GLI3: variants seen among roughly 807,000 people sequenced by gnomAD.
GLI3 encodes the protein GLI family zinc finger 3.
Under a neutral mutation model 100.8 loss-of-function variants are expected in GLI3, and 20 were observed. The ratio of observed to expected loss-of-function variants is 0.20; its 90% CI spans 0.14 to 0.29. The LOEUF (loss-of-function observed/expected upper bound fraction) is 0.29. GLI3 is among the 10% of genes least tolerant of loss of function. The probability of loss-of-function intolerance (pLI) is 1.00; values close to 1 mark genes in which losing one functional copy is unlikely to be tolerated. For synonymous variants in GLI3, 938 were observed against 860.5 expected, an observed-to-expected ratio of 1.09 and a Z score of -1.58; for missense variants, 2,040 against 2,128.5, an observed-to-expected ratio of 0.96 and a Z score of 0.82.
Position 42,121,750 on chromosome 7 carries a change from C to T in GLI3, c.367+26476G>A, listed in dbSNP as rs1786005814. Among the ~76,000 whole-genome samples the T allele has an allele frequency of 2.0e-5, 3 of 152,200 alleles. No individual in the cohort carries two copies. In the South Asian group the frequency reaches 6.2e-4, roughly 32 times the overall value. ...CTCCTCCCCCTCCATCAGGAGTGCA[C>T]CCACCTAAGCAGTAGGCACCCATTG... is the stretch of plus-strand genomic sequence containing the variant. On this transcript the variant is annotated intron_variant, in intron 3 of 14. Transcript: ENST00000395925.
chr7:42,178,395 C>G lies in GLI3; in HGVS notation c.125-29927G>C, dbSNP rs976213328. 2.0e-5 allele frequency among the ~76,000 whole-genome samples: 3 copies of G among 152,104 alleles called. No individual in the cohort carries two copies. In the South Asian group the frequency reaches 6.2e-4, roughly 32 times the overall value. On this transcript the variant is annotated intron_variant, in intron 2 of 14. Coordinates refer to ENST00000395925, the MANE Select transcript of GLI3 (RefSeq NM_000168.6). ...CGGGCAATGACCAGGACGGCAGATA[C>G]CATGGTACTGACCATTCTGGAATAT...
chr7:42,241,055 T>C (rs540904404), upstream of GLI3, among the ~76,000 whole-genome samples: 12 of 152,294 alleles, frequency 7.9e-5, no homozygotes, highest in South Asian at 8.3e-4. Flanking sequence ...CCACCTCCAA[T>C]TGACTTAAGT....
In GLI3 at chr7:41,966,278, T is replaced by C. The variant is rs780060768; in HGVS notation, c.2795A>G (p.Lys932Arg). Residue 932 changes from lysine to arginine, a missense_variant, in exon 15 of 15, where the codon AAG becomes AGG. By Grantham distance (26) the Lys-to-Arg change is conservative (BLOSUM62 2). Transcript: ENST00000395925. The surrounding 1 kb of genome is among the most constrained non-coding windows in gnomAD (Gnocchi z 5.8). The part of the protein sequence containing the change: ...TPAQQYRLKA[K>R]YAAATGGPPP... ...CGGCCCTCCTGTGGCAGCCGCGTACTTGGCCTTGAGGCGGTACTGCTGGGC... is the reference window on the plus strand; with the variant it reads ...CGGCCCTCCTGTGGCAGCCGCGTACCTGGCCTTGAGGCGGTACTGCTGGGC... 1 of 1,608,216 alleles carries C rather than the reference T, an allele frequency of 6.2e-7. No homozygotes were observed. Among genetic ancestry groups the C allele is most frequent in the Admixed American group, 1.7e-5 (1 of 59,954 alleles).
intron 10 of GLI3, among the ~76,000 whole-genome samples, chr7:42,010,659 G>A (rs1788587437): frequency 6.6e-6 from 1 of 152,208 alleles, no homozygotes; most frequent in Non-Finnish European, 1.5e-5. Flanking sequence ...GAAGGGGACT[G>A]TCTTTGTTGG....
chr7:42,254,511 T>G (rs1029360427), intron 1 of GLI3, among the ~76,000 whole-genome samples: 6 of 152,256 alleles, frequency 3.9e-5, no homozygotes, highest in Non-Finnish European at 7.3e-5. Context: ...GTGTCATGGA[T>G]TGAGCAATAG....
Position 41,972,265 on chromosome 7 carries a change from T to G in GLI3, c.2103+72A>C. 7.1e-7 allele frequency: 1 copy of G among 1,400,392 alleles called. No homozygotes were observed. 86.7% of individuals were successfully genotyped at this position (1,400,392 alleles called of 1,614,324 possible). ...ACACAGTGAGGACCGGGAAGTCCTG[T>G]CCCTCTATGCACCCTACCTGGCTCT... On this transcript the variant is annotated intron_variant, in intron 13 of 14. Coordinates refer to ENST00000395925, the MANE Select transcript of GLI3 (RefSeq NM_000168.6). This position sits in a 1 kb window ranked among gnomAD's most constrained non-coding sequence, Gnocchi z 4.4.
At chr7:42,253,230 C>G (rs1208076720) in intron 1 of GLI3, among the ~76,000 whole-genome samples, 1 of 152,210 alleles carries the variant, frequency 6.6e-6, no homozygotes, top group African/African-American at 2.4e-5. Context: ...CTCACTGTGC[C>G]CCTGGTGCAC....
chr7:42,210,658 C>T (rs927271483), intron 2 of GLI3, among the ~76,000 whole-genome samples: 41 of 152,172 alleles, frequency 2.7e-4, no homozygotes, highest in Non-Finnish European at 5.7e-4. Context: ...GAAAATAAAA[C>T]ATGCTTTTTA....
rs867545786 is a variant in GLI3 at position 42,039,664 on chromosome 7, A to T, written c.1028+374T>A. ...ATGACTGGTCTTTTTATTTTTGTTC[A>T]TGTTCTGTACATGTGTCATACAACC... On this transcript the variant is annotated intron_variant, in intron 7 of 14. Coordinates refer to ENST00000395925, the MANE Select transcript of GLI3 (RefSeq NM_000168.6). Among the ~76,000 whole-genome samples the T allele has an allele frequency of 7.9e-5, 12 of 152,108 alleles. No homozygotes were observed. In the South Asian group the frequency reaches 8.3e-4, roughly 11 times the overall value.
At position 41,965,342 on chromosome 7, in the gene GLI3, A is replaced by C; in HGVS notation, c.3731T>G (p.Phe1244Cys). Residue 1244 changes from phenylalanine to cysteine, a missense_variant, in exon 15 of 15, where the codon TTC becomes TGC. Phe to Cys is a radical substitution (Grantham distance 205, BLOSUM62 -2). Transcript: ENST00000395925. ...CGGGGCCTTACAGGGCTGTTCATGG[A>C]AGGCGTTTCCACTGGTGCCACTTCC... is the stretch of plus-strand genomic sequence containing the variant. ...SPGSGTSGNAFHEQPCKAPQY... is the reference protein window; with the variant it reads ...SPGSGTSGNACHEQPCKAPQY... 1 of 1,613,786 alleles carries C rather than the reference A, an allele frequency of 6.2e-7. No homozygotes were observed. The highest frequency in any genetic ancestry group is 1.1e-5 in the South Asian group (1 of 91,044).
chr7:41,980,162 A>G (rs1787617681), intron 10 of GLI3, among the ~76,000 whole-genome samples: 1 of 152,200 alleles, frequency 6.6e-6, no homozygotes, highest in African/African-American at 2.4e-5. Flanking sequence ...AAGAGAGCCA[A>G]TGTCCCGTCA....
At chr7:42,114,213 A>C (rs921072959) in intron 3 of GLI3, among the ~76,000 whole-genome samples, 1 of 152,250 alleles carries the variant, frequency 6.6e-6, no homozygotes, top group Admixed American at 6.5e-5. Flanking sequence ...GTTAAACAAC[A>C]TGCTAAATGC....
intron 10 of GLI3, among the ~76,000 whole-genome samples, chr7:42,014,940 C>G (rs941831650): frequency 3.9e-5 from 6 of 152,296 alleles, no homozygotes; most frequent in African/African-American, 7.2e-5. Flanking sequence ...TTTAAATGTT[C>G]ATAAAAGTGC....
In GLI3 at chr7:41,965,438, C is replaced by T. The variant is rs751373757; in HGVS notation, c.3635G>A (p.Gly1212Asp). 1.9e-6 allele frequency: 3 copies of T among 1,607,664 alleles called. No individual in the cohort carries two copies. Among genetic ancestry groups the T allele is most frequent in the Middle Eastern group, 1.7e-4 (1 of 6,048 alleles). The change falls in exon 15 of 15, where the codon GGC (glycine) becomes GAC (aspartate). Residue 1212 changes from glycine (G) to aspartate (D), a missense_variant. By Grantham distance (94) the Gly-to-Asp change is moderately conservative. Coordinates refer to ENST00000395925, the MANE Select transcript of GLI3 (RefSeq NM_000168.6). ...QNPLRSGPAG[G>D]YQTLGENSNP... The stretch of plus-strand genomic sequence containing the variant: ...GCTGTTCTCCCCGAGGGTCTGATAG[C>T]CCCCAGCAGGCCCGCTCCTCAAGGG...
chr7:42,258,297 C>A (rs1020470667), intron 1 of GLI3, among the ~76,000 whole-genome samples: 1 of 152,296 alleles, frequency 6.6e-6, no homozygotes, highest in East Asian at 1.9e-4. Context: ...ATTTTTAGCA[C>A]ACTTTGCTCT....
At chr7:42,028,584 C>T (rs1789191416) in intron 7 of GLI3, among the ~76,000 whole-genome samples, 3 of 151,796 alleles carry the variant, frequency 2.0e-5, no homozygotes, top group African/African-American at 4.8e-5. Context: ...ACCAACATGG[C>T]GAAACCTCGT....
At position 42,148,472 on chromosome 7, in the gene GLI3, A is replaced by G. The variant is rs1185692181; in HGVS notation, c.125-4T>C. 1.2e-6 allele frequency: 2 copies of G among 1,612,814 alleles called. No homozygotes were observed. The highest frequency in any genetic ancestry group is 3.3e-5 in the Admixed American group (2 of 60,010). On this transcript the variant is annotated splice_polypyrimidine_tract_variant and splice_region_variant and intron_variant, in intron 2 of 14. Coordinates refer to ENST00000395925, the MANE Select transcript of GLI3 (RefSeq NM_000168.6). Reference sequence around the variant, plus strand: ...GTCTGTCCAGGACTTTCATCCTCTAAAGAAAGAAGAAAAATGAAAGACTCT... The same window carrying G: ...GTCTGTCCAGGACTTTCATCCTCTAGAGAAAGAAGAAAAATGAAAGACTCT...
intron 1 of GLI3, among the ~76,000 whole-genome samples, chr7:42,248,533 C>A (rs906561168): frequency 6.6e-6 from 1 of 152,098 alleles, no homozygotes; most frequent in Non-Finnish European, 1.5e-5. Context: ...AAGTGATTTG[C>A]TTAATTTACT....
intron 4 of GLI3, among the ~76,000 whole-genome samples, chr7:42,049,094 G>A (rs904374667): frequency 3.3e-5 from 5 of 152,036 alleles, no homozygotes; most frequent in African/African-American, 1.2e-4. Context: ...TACTAGCATG[G>A]TGTTGCATAA....
Sources: gnomAD v4.1 joint callset for allele counts (sites outside exome capture counted in the v4.1 genomes callset) on GRCh38, gnomAD v4.1.1 for gene constraint, Gnocchi (gnomAD v3.1) non-coding constraint, MANE v1.5 for transcripts, NCBI Gene and HGNC (gene_info 2026-07-23, HGNC 2026-07-21) for gene names.